PVT1: variants seen among roughly 807,000 people sequenced by gnomAD.
PVT1 encodes Pvt1 oncogene, also known as CXCR4/PVT1 fusion.
chr8:127,795,964 C>G (rs1243917184), exon 2 of PVT1: 1 of 170,444 alleles, frequency 5.9e-6, no homozygotes, highest in Non-Finnish European at 1.5e-5. Flanking sequence ...TGGGAGAAAC[C>G]TCGTGGCCTG....
chr8:127,818,711 G>A (rs1029699345), intron 2 of PVT1, among the ~76,000 whole-genome samples: 3 of 152,156 alleles, frequency 2.0e-5, no homozygotes, highest in African/African-American at 7.2e-5. Context: ...TGAGATCTCA[G>A]CGAGTTGCTT....
At chr8:128,038,137 A>C (rs1157394061) in intron 4 of PVT1, among the ~76,000 whole-genome samples, 1 of 152,172 alleles carries the variant, frequency 6.6e-6, no homozygotes, top group Non-Finnish European at 1.5e-5. Context: ...TTTCTGGTAG[A>C]CTTCTTGACC....
intron 3 of PVT1, among the ~76,000 whole-genome samples, chr8:127,973,017 G>A (rs979805907): frequency 2.6e-5 from 4 of 152,108 alleles, no homozygotes; most frequent in Non-Finnish European, 4.4e-5. Context: ...CAATCCTCCC[G>A]AGTAGCTAGG....
chr8:127,853,180 T>C, intron 2 of PVT1, among the ~76,000 whole-genome samples: 1 of 152,168 alleles, frequency 6.6e-6, no homozygotes, highest in East Asian at 1.9e-4. Context: ...AGAATTCCTA[T>C]AATGCAATCG....
intron 4 of PVT1, among the ~76,000 whole-genome samples, chr8:128,025,068 G>A (rs537568013): frequency 4.6e-5 from 7 of 152,330 alleles, no homozygotes; most frequent in South Asian, 2.1e-4. Flanking sequence ...TGGCTGCCCC[G>A]GCATCTACCT....
At chr8:127,938,396 G>T (rs1298827484) in intron 3 of PVT1, among the ~76,000 whole-genome samples, 1 of 152,174 alleles carries the variant, frequency 6.6e-6, no homozygotes, top group African/African-American at 2.4e-5. Flanking sequence ...ATCTCAGACA[G>T]CTGTGTCCAC....
At chr8:128,093,611 C>T (rs552006294) in intron 5 of PVT1, among the ~76,000 whole-genome samples, 8 of 152,152 alleles carry the variant, frequency 5.3e-5, no homozygotes, top group South Asian at 2.1e-4. Context: ...GCCTTTGGCA[C>T]GACTATCACC....
intron 2 of PVT1, among the ~76,000 whole-genome samples, chr8:127,848,540 G>A (rs140010542): frequency 0.044 from 6,640 of 151,910 alleles, 521 homozygotes; most frequent in African/African-American, 0.15. Context: ...AAAATTAGCC[G>A]GGCGTGGTGG....
chr8:127,907,559 GC>G (rs1396409978), intron 3 of PVT1, among the ~76,000 whole-genome samples: 1 of 152,210 alleles, frequency 6.6e-6, no homozygotes, highest in Non-Finnish European at 1.5e-5. Context: ...TGGCTGGGGT[GC>G]ATGCTGGACA....
intron 3 of PVT1, among the ~76,000 whole-genome samples, chr8:127,951,205 TACTGAAG>T (rs774213076): frequency 1.9e-4 from 29 of 152,208 alleles, no homozygotes; most frequent in Non-Finnish European, 4.1e-4. Flanking sequence ...GCCCCTGTCT[TACTGAAG>T]AGGGAACCGA....
intron 2 of PVT1, among the ~76,000 whole-genome samples, chr8:127,811,830 G>T (rs1489401114): frequency 6.6e-6 from 1 of 152,128 alleles, no homozygotes; most frequent in Non-Finnish European, 1.5e-5. Flanking sequence ...AGTGGTTTCC[G>T]GTAGCTCACT....
intron 3 of PVT1, among the ~76,000 whole-genome samples, chr8:127,960,944 G>T (rs1203213321): frequency 3.3e-4 from 19 of 57,060 alleles, no homozygotes; most frequent in Non-Finnish European, 5.9e-4. Flanking sequence ...GTTTGGGGGT[G>T]GGGGGGGCGG....
chr8:128,094,516 A>T (rs1814401388), intron 5 of PVT1, among the ~76,000 whole-genome samples: 1 of 152,238 alleles, frequency 6.6e-6, no homozygotes, highest in South Asian at 2.1e-4. Flanking sequence ...GTTTCAACAG[A>T]GATGGGATGG....
At chr8:127,858,802 A>ATTTTTTTT (rs1442302514) in intron 2 of PVT1, among the ~76,000 whole-genome samples, 9 of 38,298 alleles carry the variant, frequency 2.3e-4, no homozygotes, top group African/African-American at 7.1e-4. Flanking sequence ...ACACTTGAAG[A>ATTTTTTTT]TTCTTTTTTT....
intron 2 of PVT1, among the ~76,000 whole-genome samples, chr8:127,846,247 T>C (rs1284620932): frequency 6.6e-6 from 1 of 152,222 alleles, no homozygotes; most frequent in African/African-American, 2.4e-5. Context: ...TCTCCATTTT[T>C]TCACGGTAAG....
At position 127,933,700 on chromosome 8, in the gene PVT1, G is replaced by A. The variant is rs191413339; in HGVS notation, n.782+42702G>A. ...GTGTGGTCACCCAGAGGCCAAGGAT[G>A]TGCTGTTTCTACTTGCTTGCTGCTT... On this transcript the variant is annotated intron_variant and non_coding_transcript_variant, in intron 3 of 10. Transcript: ENST00000651587. 2.0e-3 allele frequency among the ~76,000 whole-genome samples: 307 copies of A among 152,290 alleles called. 1 individual carries two copies. The highest frequency in any genetic ancestry group is 6.9e-3 in the African/African-American group (285 of 41,540).
chr8:127,900,622 T>C (rs1815747695), intron 3 of PVT1, among the ~76,000 whole-genome samples: 3 of 152,248 alleles, frequency 2.0e-5, no homozygotes, highest in South Asian at 4.1e-4. Context: ...GCTACTATGC[T>C]TGTTCATTCA....
At chr8:128,098,123 C>T (rs915354877) in intron 6 of PVT1, among the ~76,000 whole-genome samples, 1 of 152,124 alleles carries the variant, frequency 6.6e-6, no homozygotes, top group African/African-American at 2.4e-5. Context: ...TCTCTGCCTT[C>T]CCCCCGCCCC....
chr8:127,816,488 GAA>G (rs111273710), intron 2 of PVT1, among the ~76,000 whole-genome samples: 1 of 137,680 alleles, frequency 7.3e-6, no homozygotes. Context: ...TGTCATGGAT[GAA>G]AAAAAAAAAA....
Sources: allele counts gnomAD v4.1 joint callset (sites outside exome capture counted in the v4.1 genomes callset), GRCh38; gene constraint gnomAD v4.1.1; transcripts MANE v1.5; gene names NCBI Gene and HGNC (gene_info 2026-07-23, HGNC 2026-07-21).